The following CNTN4 variants were observed in gnomAD, a reference collection of about 807,000 sequenced individuals.
CNTN4 encodes the protein contactin 4, also known as contactin-4.
In CNTN4, 77 loss-of-function variants were observed where a neutral mutation model predicts 122.5. That is an observed-to-expected ratio of 0.63 (90% confidence interval 0.52 to 0.76). The LOEUF (loss-of-function observed/expected upper bound fraction) is 0.76. Among genes scored for constraint, CNTN4 ranks in the 30% least tolerant of loss-of-function variants. The pLI, the probability that CNTN4 is intolerant of heterozygous loss-of-function variation, is 0.00. For missense variants in CNTN4, 1,256 were observed against 1,259.1 expected, an observed-to-expected ratio of 1.00 and a Z score of 0.04; for synonymous variants, 512 against 447.0, an observed-to-expected ratio of 1.15 and a Z score of -1.83.
chr3:2,501,114 T>C (rs374016117), intron 3 of CNTN4, among the ~76,000 whole-genome samples: 23 of 152,330 alleles, frequency 1.5e-4, no homozygotes, highest in Middle Eastern at 6.8e-3. Context: ...GCATGGTGTA[T>C]TTTTAGCAGA....
intron 23 of CNTN4, among the ~76,000 whole-genome samples, chr3:3,052,856 T>C (rs964980098): frequency 6.6e-6 from 1 of 152,214 alleles, no homozygotes; most frequent in South Asian, 2.1e-4. Context: ...CTTTCCGATA[T>C]CTTCTCCCTG....
At chr3:2,601,897 A>T (rs1289014352) in intron 4 of CNTN4, among the ~76,000 whole-genome samples, 2 of 152,186 alleles carry the variant, frequency 1.3e-5, no homozygotes, top group Non-Finnish European at 2.9e-5. Context: ...ATCCACCAAG[A>T]TCAAGTTGGC....
At chr3:2,576,306 G>C (rs1305532696) in intron 4 of CNTN4, among the ~76,000 whole-genome samples, 1 of 152,182 alleles carries the variant, frequency 6.6e-6, no homozygotes. Flanking sequence ...AGCCTGGCCA[G>C]TCATGAGAGA....
chr3:2,156,752 C>G (rs896585806), intron 2 of CNTN4, among the ~76,000 whole-genome samples: 2 of 151,932 alleles, frequency 1.3e-5, no homozygotes, highest in African/African-American at 4.8e-5. Flanking sequence ...ATCTTCTGGC[C>G]CCAGTTTTGG....
chr3:2,512,718 A>C (rs1260645914), intron 3 of CNTN4, among the ~76,000 whole-genome samples: 2 of 152,218 alleles, frequency 1.3e-5, no homozygotes, highest in African/African-American at 4.8e-5. Flanking sequence ...TGTGAACCAA[A>C]GTGAACTTAA....
chr3:2,528,006 A>T (rs914828359), intron 3 of CNTN4, among the ~76,000 whole-genome samples: 1 of 152,084 alleles, frequency 6.6e-6, no homozygotes, highest in Non-Finnish European at 1.5e-5. Flanking sequence ...TTGGTCATAG[A>T]CTTTTTCTGT....
intron 3 of CNTN4, among the ~76,000 whole-genome samples, chr3:2,455,843 T>A (rs2048978677): frequency 6.6e-6 from 1 of 152,064 alleles, no homozygotes; most frequent in African/African-American, 2.4e-5. Context: ...AAGTTAACTG[T>A]TGTATTAGTG....
chr3:2,516,491 A>G (rs2077042861), intron 3 of CNTN4, among the ~76,000 whole-genome samples: 1 of 152,096 alleles, frequency 6.6e-6, no homozygotes, highest in Admixed American at 6.6e-5. Flanking sequence ...TTGACTTGAG[A>G]TGTTCAATTC....
At chr3:2,227,939 G>A (rs909713596) in intron 2 of CNTN4, among the ~76,000 whole-genome samples, 1 of 152,128 alleles carries the variant, frequency 6.6e-6, no homozygotes, top group Non-Finnish European at 1.5e-5. Flanking sequence ...GTGCTTTGAA[G>A]TACCATAGTT....
At chr3:2,653,345 C>T (rs1035667621) in intron 4 of CNTN4, among the ~76,000 whole-genome samples, 6 of 152,078 alleles carry the variant, frequency 3.9e-5, no homozygotes, top group African/African-American at 1.4e-4. Context: ...TTGATGTTGT[C>T]TACCAGTTGA....
chr3:2,310,108 T>G (rs2150132764), intron 2 of CNTN4, among the ~76,000 whole-genome samples: 1 of 146,076 alleles, frequency 6.8e-6, no homozygotes, highest in African/African-American at 2.6e-5. Flanking sequence ...GTCTTAGAGC[T>G]GTTGGTACCA....
At chr3:2,457,455 T>TATA (rs1301598357) in intron 3 of CNTN4, among the ~76,000 whole-genome samples, 1 of 152,126 alleles carries the variant, frequency 6.6e-6, no homozygotes, top group Non-Finnish European at 1.5e-5. Flanking sequence ...TCACGGTATA[T>TATA]ATACAGGGTT....
At chr3:2,874,499 AGTATCTGTTCTCTACTT>A (rs1220281536) in intron 8 of CNTN4, among the ~76,000 whole-genome samples, 2 of 152,148 alleles carry the variant, frequency 1.3e-5, no homozygotes, top group Admixed American at 6.5e-5. Context: ...ATACTCATTG[AGTATCTGTTCTCTACTT>A]GTCTCTAGAG....
chr3:2,361,732 C>T (rs980689307), intron 3 of CNTN4, among the ~76,000 whole-genome samples: 3 of 152,258 alleles, frequency 2.0e-5, no homozygotes, highest in South Asian at 4.1e-4. Flanking sequence ...AATAACTTCT[C>T]TTGTACTATT....
chr3:2,100,452 A>G (rs995072525), intron 1 of CNTN4, 106 bp from the exon 2 acceptor site: 5 of 152,144 alleles, frequency 3.3e-5, no homozygotes, highest in African/African-American at 1.2e-4. Flanking sequence ...AGAGTGGGGT[A>G]GGAGCGTAAA....
intron 13 of CNTN4, among the ~76,000 whole-genome samples, chr3:2,959,023 A>G (rs1477843568): frequency 1.3e-5 from 2 of 152,210 alleles, no homozygotes; most frequent in Admixed American, 1.3e-4. Context: ...ATACAAAGAC[A>G]CATATACAAT....
At chr3:2,759,934 T>A (rs2090513087) in intron 6 of CNTN4, among the ~76,000 whole-genome samples, 2 of 152,206 alleles carry the variant, frequency 1.3e-5, no homozygotes. Flanking sequence ...TGGCTAATGA[T>A]GTTGAACATA....
intron 2 of CNTN4, among the ~76,000 whole-genome samples, chr3:2,147,871 A>T (rs975833051): frequency 2.6e-5 from 4 of 152,146 alleles, no homozygotes; most frequent in African/African-American, 9.7e-5. Flanking sequence ...CTTATGTTGT[A>T]TCCTCTACCT....
intron 4 of CNTN4, among the ~76,000 whole-genome samples, chr3:2,650,048 T>G (rs1426279494): frequency 1.4e-5 from 2 of 146,754 alleles, no homozygotes; most frequent in African/African-American, 4.9e-5. Flanking sequence ...TAAATTCATA[T>G]TATATGTATA....
Sources: gnomAD v4.1 joint callset for allele counts (sites outside exome capture counted in the v4.1 genomes callset) on GRCh38, gnomAD v4.1.1 for gene constraint, MANE v1.5 for transcripts, NCBI Gene and HGNC (gene_info 2026-07-23, HGNC 2026-07-21) for gene names.